Variants in ASMT observed in about 807,000 individuals in gnomAD.
ASMT encodes acetylserotonin N-methyltransferase.
Under a neutral mutation model 41.3 loss-of-function variants are expected in ASMT, and 53 were observed. That is an observed-to-expected ratio of 1.28 (90% CI 1.03 to 1.61). The LOEUF is 1.61. Ranked by LOEUF, ASMT falls within the 40% of genes most tolerant of loss-of-function variation. ASMT has a pLI of 0.00. For missense variants in ASMT, 531 were observed against 441.3 expected (o/e 1.20, Z -1.82); for synonymous variants, 231 against 184.8 (o/e 1.25, Z -2.03).
intron 8 of ASMT, among the ~76,000 whole-genome samples, chrX:1,642,393 A>C (rs1413282630): frequency 6.7e-6 from 1 of 149,860 alleles, no homozygotes; most frequent in Non-Finnish European, 1.5e-5. Flanking sequence ...AGGTCCACCC[A>C]TCCTGATGGT....
At position 1,633,259 on chromosome X, in the gene ASMT, C is replaced by A. The variant is rs1934844686; in HGVS notation, c.756C>A (p.Phe252Leu). 1.2e-6 allele frequency: 2 copies of A among 1,613,748 alleles called. No individual in the cohort carries two copies. The highest frequency in any genetic ancestry group is 2.2e-5 in the East Asian group (1 of 44,896). ...GGACGGCAAAGCAGCACTTCTCATT[C>A]CAGGAGGAAGAACAGATTGACTTCC... ...VVWTAKQHFS[F>L]QEEEQIDFQE... The change falls in exon 7 of 9, where the codon TTC becomes TTA. Residue 252 changes from phenylalanine to leucine, a missense_variant. By Grantham distance (22) the Phe-to-Leu change is conservative. Transcript: ENST00000381241.
chrX:1,628,191 G>C (rs1434378737), intron 4 of ASMT, among the ~76,000 whole-genome samples: 3 of 152,136 alleles, frequency 2.0e-5, no homozygotes, highest in African/African-American at 7.2e-5. Context: ...CGTGGTGGCG[G>C]ACGCCTGTAA....
intron 1 of ASMT, 25 bp downstream of exon 1, chrX:1,615,293 G>C (rs1287363288): frequency 1.9e-6 from 3 of 1,571,582 alleles, no homozygotes; most frequent in Non-Finnish European, 2.6e-6. Context: ...GTGGGACAAG[G>C]GGGAATAGAC....
chrX:1,627,935 C>CGTTTA (rs765233470), intron 4 of ASMT, 164 bp downstream of exon 4: 5 of 732,526 alleles, frequency 6.8e-6, no homozygotes, highest in Non-Finnish European at 1.2e-5. Flanking sequence ...AGATTTTGCT[C>CGTTTA]ATCTGATGTT....
intron 1 of ASMT, among the ~76,000 whole-genome samples, chrX:1,617,257 G>A (rs1286403502): frequency 6.6e-6 from 1 of 151,690 alleles, no homozygotes; most frequent in Non-Finnish European, 1.5e-5. Context: ...ATCACTTGAG[G>A]TCAGGAGTTC....
At chrX:1,636,629 G>C (rs2149472467) in intron 8 of ASMT, 69 bp downstream of exon 8, 1 of 1,612,104 alleles carries the variant, frequency 6.2e-7, no homozygotes, top group Admixed American at 1.7e-5. Context: ...GTCACATTTA[G>C]AAGGCAGGCA....
At chrX:1,622,000 A>AT (rs1231256100) in intron 1 of ASMT, among the ~76,000 whole-genome samples, 18 of 123,424 alleles carry the variant, frequency 1.5e-4, no homozygotes, top group African/African-American at 5.0e-4. Context: ...CGGCCTATTT[A>AT]TTTTTTTTGA....
chrX:1,622,057 A>C (rs1934354756), intron 1 of ASMT, among the ~76,000 whole-genome samples: 1 of 149,882 alleles, frequency 6.7e-6, no homozygotes, highest in African/African-American at 2.5e-5. Flanking sequence ...CAGTGATGCG[A>C]TCTTGGCTCA....
intron 1 of ASMT, among the ~76,000 whole-genome samples, chrX:1,622,393 C>T (rs182586863): frequency 6.6e-5 from 10 of 150,446 alleles, no homozygotes; most frequent in African/African-American, 1.5e-4. Flanking sequence ...CAGGTTCAAG[C>T]GATTCTCCTG....
intron 1 of ASMT, among the ~76,000 whole-genome samples, chrX:1,617,105 G>A (rs1164881060): frequency 2.6e-5 from 4 of 152,116 alleles, no homozygotes; most frequent in African/African-American, 9.7e-5. Context: ...CCTAGGAGAT[G>A]AAGGCTGCAG....
At position 1,633,224 on chromosome X, in the gene ASMT, G is replaced by T; in HGVS notation, c.721G>T (p.Glu241Ter). 6 of 1,613,912 alleles carry T rather than the reference G, an allele frequency of 3.7e-6. No homozygotes were observed. Among genetic ancestry groups the T allele is most frequent in the Non-Finnish European group, 5.1e-6 (6 of 1,179,856 alleles). The change falls in exon 7 of 9, where the codon GAA becomes TAA. Residue 241 changes from glutamate (E) to a stop codon, truncating the protein, a stop_gained. Transcript: ENST00000381241. LOFTEE classifies it high-confidence loss of function. Reference protein sequence around the residue: ...GCKITVFDIPEVVWTAKQHFS... With the variant: ...GCKITVFDIP ...TAAGATCACCGTTTTTGACATCCCA[G>T]AAGTGGTGTGGACGGCAAAGCAGCA...
chrX:1,624,298 G>C lies in ASMT; in HGVS notation c.274G>C (p.Asp92His), dbSNP rs778293220. 8 of 1,613,948 alleles carry C rather than the reference G, an allele frequency of 5.0e-6. No individual in the cohort carries two copies. Among genetic ancestry groups the C allele is most frequent in the South Asian group, 1.1e-5 (1 of 91,066 alleles). ...CTATCGAAACACAGAGCTGTCCAGC[G>C]ACTACCTGACCACGGTCAGCCCGAC... ...AFYRNTELSS[D>H]YLTTVSPTSQ... The change falls in exon 3 of 9, where the codon GAC becomes CAC. Residue 92 changes from aspartate (D) to histidine (H), a missense_variant. Transcript: ENST00000381241.
rs1237442835 is a variant in ASMT at position 1,636,481 on chromosome X, C to G, written c.831C>G (p.Ile277Met). The change falls in exon 8 of 9, where the codon ATC becomes ATG. Residue 277 changes from isoleucine (I) to methionine (M), a missense_variant. Coordinates refer to ENST00000381241, the MANE Select transcript of ASMT (RefSeq NM_001171038.2). ...CTCTTCCGGAAGCTGATCTGTACAT[C>G]CTGGCCAGGGTCCTCCATGACTGGG... ...KDPLPEADLY[I>M]LARVLHDWAD... 2 of 1,613,772 alleles carry G rather than the reference C, an allele frequency of 1.2e-6. No individual in the cohort carries two copies. The highest frequency in any genetic ancestry group is 1.3e-5 in the African/African-American group (1 of 74,904).
intron 1 of ASMT, among the ~76,000 whole-genome samples, chrX:1,619,501 C>T (rs1373495667): frequency 6.7e-6 from 1 of 148,718 alleles, no homozygotes; most frequent in East Asian, 2.0e-4. Flanking sequence ...ACATGTATAC[C>T]TGTGCAACAA....
intron 3 of ASMT, among the ~76,000 whole-genome samples, chrX:1,624,719 A>C (rs59742574): frequency 1.6e-4 from 6 of 37,534 alleles, no homozygotes; most frequent in Admixed American, 3.7e-4. Flanking sequence ...GTGGGGGCTG[A>C]CCCCAGGCAG....
chrX:1,631,722 C>CA (rs1934783972), intron 5 of ASMT, among the ~76,000 whole-genome samples: 1 of 151,786 alleles, frequency 6.6e-6, no homozygotes, highest in Admixed American at 6.6e-5. Flanking sequence ...CGAGATCAGC[C>CA]TGGTCAACAT....
At chrX:1,624,031 A>G (rs1362110383) in intron 2 of ASMT, among the ~76,000 whole-genome samples, 1 of 151,936 alleles carries the variant, frequency 6.6e-6, no homozygotes, top group Non-Finnish European at 1.5e-5. Context: ...TGCTGCACCC[A>G]AACTCCCGAT....
intron 8 of ASMT, among the ~76,000 whole-genome samples, chrX:1,641,500 G>C (rs6644793): frequency 7.1e-6 from 1 of 139,870 alleles, no homozygotes; most frequent in Non-Finnish European, 1.6e-5. Flanking sequence ...ATGGTTCATG[G>C]GGACGTGAGC....
chrX:1,631,777 C>T (rs1422081126), intron 5 of ASMT, among the ~76,000 whole-genome samples: 1 of 151,896 alleles, frequency 6.6e-6, no homozygotes, highest in South Asian at 2.1e-4. Flanking sequence ...AGGCTGGGTG[C>T]GGTGGCTCAT....
Sources: allele counts gnomAD v4.1 joint callset (sites outside exome capture counted in the v4.1 genomes callset), GRCh38; gene constraint gnomAD v4.1.1; transcripts MANE v1.5; gene names NCBI Gene and HGNC (gene_info 2026-07-23, HGNC 2026-07-21).